WRN: variants seen among roughly 807,000 people sequenced by gnomAD.
WRN encodes bifunctional 3'-5' exonuclease/ATP-dependent helicase WRN.
A neutral mutation model predicts 180.7 loss-of-function variants in WRN; 149 were observed. The observed-to-expected ratio is 0.82, with a 90% confidence interval of 0.72 to 0.94. The LOEUF is 0.94. Among genes scored for constraint, WRN ranks in the 40% least tolerant of loss-of-function variants. The pLI, the probability that WRN is intolerant of heterozygous loss-of-function variation, is 0.00. For missense variants in WRN, 1,661 were observed against 1,700.1 expected, an observed-to-expected ratio of 0.98 and a Z score of 0.40; for synonymous variants, 548 against 568.9, an observed-to-expected ratio of 0.96 and a Z score of 0.52.
chr8:31,102,036 C>G (rs936088555), intron 18 of WRN, among the ~76,000 whole-genome samples: 2 of 151,884 alleles, frequency 1.3e-5, no homozygotes, highest in Non-Finnish European at 2.9e-5. Context: ...AGGAATATGA[C>G]ATTTGTACAG....
intron 7 of WRN, among the ~76,000 whole-genome samples, chr8:31,070,446 A>G (rs987090985): frequency 6.6e-6 from 1 of 152,160 alleles, no homozygotes; most frequent in Admixed American, 6.5e-5. Flanking sequence ...GGTAGCTAAA[A>G]ACACCAAATG....
At chr8:31,132,217 C>T (rs369376487) in intron 23 of WRN, 148 bp from the exon 24 acceptor site, 29 of 882,484 alleles carry the variant, frequency 3.3e-5, no homozygotes, top group African/African-American at 6.8e-5. Context: ...TTTACATACT[C>T]GGGTATAATG....
At chr8:31,035,801 T>C (rs1158564170) in intron 1 of WRN, among the ~76,000 whole-genome samples, 1 of 152,226 alleles carries the variant, frequency 6.6e-6, no homozygotes, top group Non-Finnish European at 1.5e-5. Context: ...CAATGGTTTT[T>C]AGTTTGTCTT....
chr8:31,040,407 G>A (rs1811606240), intron 1 of WRN, among the ~76,000 whole-genome samples: 1 of 152,132 alleles, frequency 6.6e-6, no homozygotes, highest in Non-Finnish European at 1.5e-5. Context: ...GAGAAGAGTA[G>A]AGGTCTGTGA....
At chr8:31,141,880 C>T (rs143713173) in intron 26 of WRN, 105 bp downstream of exon 26, 2 of 1,108,052 alleles carry the variant, frequency 1.8e-6, no homozygotes, top group East Asian at 5.1e-5. Flanking sequence ...AATGAATTAC[C>T]TGTTTGTTTT....
chr8:31,092,127 C>T (rs1192951017), intron 16 of WRN, among the ~76,000 whole-genome samples: 1 of 151,674 alleles, frequency 6.6e-6, no homozygotes, highest in African/African-American at 2.4e-5. Context: ...TCTTTTGTAC[C>T]TTTGCAGGAC....
intron 1 of WRN, among the ~76,000 whole-genome samples, chr8:31,044,052 T>C (rs975770306): frequency 3.3e-5 from 5 of 151,358 alleles, no homozygotes; most frequent in Non-Finnish European, 5.9e-5. Context: ...TTTTTCTTGT[T>C]TTTTTTTTAG....
At chr8:31,063,394 A>G (rs1812568935) in intron 3 of WRN, among the ~76,000 whole-genome samples, 1 of 152,070 alleles carries the variant, frequency 6.6e-6, no homozygotes, top group African/African-American at 2.4e-5. Flanking sequence ...TTTGTTTCTA[A>G]TTTTTGCCAG....
chr8:31,122,469 A>G (rs1323013180), intron 21 of WRN, among the ~76,000 whole-genome samples: 1 of 151,968 alleles, frequency 6.6e-6, no homozygotes, highest in African/African-American at 2.4e-5. Flanking sequence ...TATGTTTTTA[A>G]TTGCAGAATT....
chr8:31,040,926 G>A lies in WRN; in HGVS notation c.-77+6953G>A, dbSNP rs184338697. ...GGAAAAAGTTGATGATGTAGGAGAT[G>A]GGAAAATGTCTTTGAGTAGATGTCT... On this transcript the variant is annotated intron_variant, in intron 1 of 34. Coordinates refer to ENST00000298139, the MANE Select transcript of WRN (RefSeq NM_000553.6). Among the ~76,000 whole-genome samples the A allele has an allele frequency of 8.1e-4, 123 of 152,168 alleles. 2 individuals are homozygous for A. Among genetic ancestry groups the A allele is most frequent in the African/African-American group, 2.9e-3 (122 of 41,498 alleles).
Position 31,173,413 on chromosome 8 carries a change from T to C in WRN, c.*311T>C, listed in dbSNP as rs1804173715. On this transcript the variant is annotated 3_prime_UTR_variant, in exon 35 of 35. Coordinates refer to ENST00000298139, the MANE Select transcript of WRN (RefSeq NM_000553.6). ...AAAACAGTGTATTTGGAAAATGTTA[T>C]GTGCTCTGATTTGATATAGATAACA... 2 of 349,744 alleles carry C rather than the reference T, an allele frequency of 5.7e-6. No homozygotes were observed. Among genetic ancestry groups the C allele is most frequent in the Non-Finnish European group, 5.3e-6 (1 of 188,626 alleles). The allele number at this position is 349,744 out of a possible 1,614,324, so 21.7% of individuals were successfully genotyped here. A position where few individuals can be genotyped will look rare whatever the true frequency, so the allele number is the denominator to read the frequency against.
At chr8:31,041,665 G>A (rs77145852) in intron 1 of WRN, among the ~76,000 whole-genome samples, 1,556 of 152,266 alleles carry the variant, frequency 0.01, 22 homozygotes, top group African/African-American at 0.035. Flanking sequence ...GACGATCGGT[G>A]GAGGAGATAT....
At position 31,167,180 on chromosome 8, in the gene WRN, A is replaced by C; in HGVS notation, c.4141A>C (p.Ile1381Leu). Reference protein sequence around the residue: ...KRRCFPGSEEICSSSKRSKEE... With the variant: ...KRRCFPGSEELCSSSKRSKEE... ...GAGATGTTTTCCCGGTTCTGAAGAG[A>C]TCTGTTCAAGTTCTAAGAGAAGCAA... Residue 1381 changes from isoleucine (I) to leucine (L), a missense_variant, in exon 34 of 35, where the codon ATC (isoleucine) becomes CTC (leucine). This residue lies in a region of WRN where 1,141 missense variants were observed against 1,149.4 expected (regional missense o/e 0.99). Transcript: ENST00000298139. 1 of 1,613,306 alleles carries C rather than the reference A, an allele frequency of 6.2e-7. No individual in the cohort carries two copies. The highest frequency in any genetic ancestry group is 8.5e-7 in the Non-Finnish European group (1 of 1,179,446).
At chr8:31,086,546 CT>C (rs578107836) in intron 11 of WRN, among the ~76,000 whole-genome samples, 1 of 151,674 alleles carries the variant, frequency 6.6e-6, no homozygotes, top group Non-Finnish European at 1.5e-5. Flanking sequence ...CCACTGCACT[CT>C]AGCCTGGGTG....
chr8:31,054,953 TA>T (rs574902931), intron 1 of WRN, among the ~76,000 whole-genome samples: 15 of 152,182 alleles, frequency 9.9e-5, no homozygotes, highest in Non-Finnish European at 2.2e-4. Context: ...CTCCCACTTA[TA>T]AGTGAGAACA....
At chr8:31,115,377 G>A (rs11574298) in intron 19 of WRN, among the ~76,000 whole-genome samples, 3,455 of 152,136 alleles carry the variant, frequency 0.023, 119 homozygotes, top group African/African-American at 0.077. Flanking sequence ...GTTTTCAGTG[G>A]CTTTTGCCAC....
intron 7 of WRN, among the ~76,000 whole-genome samples, chr8:31,074,008 C>T (rs1022192843): frequency 1.3e-5 from 2 of 151,926 alleles, no homozygotes; most frequent in African/African-American, 4.8e-5. Flanking sequence ...GCTCCGCCTC[C>T]CAGGTTCACA....
intron 34 of WRN, among the ~76,000 whole-genome samples, chr8:31,167,925 T>G (rs1245575729): frequency 6.6e-6 from 1 of 152,102 alleles, no homozygotes; most frequent in Non-Finnish European, 1.5e-5. Context: ...TATAAATATT[T>G]TGGAAATGAT....
intron 33 of WRN, among the ~76,000 whole-genome samples, chr8:31,163,062 T>C (rs1803697740): frequency 6.6e-6 from 1 of 152,244 alleles, no homozygotes; most frequent in African/African-American, 2.4e-5. Context: ...AGGCATACAA[T>C]TTAAGAATTC....
Sources: gnomAD v4.1 joint callset for allele counts (sites outside exome capture counted in the v4.1 genomes callset) on GRCh38, gnomAD v4.1.1 for gene constraint, gnomAD v4.1.1 regional missense constraint, MANE v1.5 for transcripts, NCBI Gene and HGNC (gene_info 2026-07-23, HGNC 2026-07-21) for gene names.